Variants in PTBP3 observed in about 807,000 individuals in gnomAD.
PTBP3 encodes polypyrimidine tract binding protein 3, also known as polypyrimidine tract-binding protein 3.
PTBP3 carries 20 observed loss-of-function variants against 58.7 expected under a neutral mutation model. That is an observed-to-expected ratio of 0.34 (90% CI 0.24 to 0.50). The LOEUF (loss-of-function observed/expected upper bound fraction) is 0.50. Ranked by LOEUF, PTBP3 falls within the 20% of genes least tolerant of loss-of-function variation. PTBP3 has a pLI of 0.98. For missense variants in PTBP3, 509 were observed against 637.2 expected (o/e 0.80, Z 2.17); for synonymous variants, 185 against 219.8 (o/e 0.84, Z 1.40).
Position 112,220,091 on chromosome 9 carries a change from G to A in PTBP3, c.*3760C>T, listed in dbSNP as rs1309132052. The A allele has an allele frequency of 2.7e-5, 33 of 1,215,850 alleles. No homozygotes were observed. Among genetic ancestry groups the A allele is most frequent in the South Asian group, 1.9e-4 (13 of 68,160 alleles). The allele number at this position is 1,215,850 out of a possible 1,614,324, so 75.3% of individuals were successfully genotyped here. The stretch of plus-strand genomic sequence containing the variant: ...AGAAAAATGCTTTACGCATCGTCAC[G>A]CTGTCTCTTTTTGGTTTTAAAAATA... On this transcript the variant is annotated 3_prime_UTR_variant, in exon 14 of 14. Transcript: ENST00000374257.
chr9:112,313,927 T>C (rs1252723014), intron 1 of PTBP3, among the ~76,000 whole-genome samples: 1 of 149,676 alleles, frequency 6.7e-6, no homozygotes, highest in African/African-American at 2.4e-5. Context: ...ACGGAAAACA[T>C]TTGGGAAAAA....
At chr9:112,292,098 CA>C (rs1828459543) in intron 2 of PTBP3, among the ~76,000 whole-genome samples, 1 of 151,888 alleles carries the variant, frequency 6.6e-6, no homozygotes, top group African/African-American at 2.4e-5. Flanking sequence ...ATTAGTAAAA[CA>C]AAACAAAAAA....
chr9:112,332,957 G>C (rs1289844342), intron 1 of PTBP3: 3 of 1,445,602 alleles, frequency 2.1e-6, no homozygotes, highest in Non-Finnish European at 2.7e-6. Context: ...TGGGACCATG[G>C]CTTGCGACCA....
intron 12 of PTBP3, among the ~76,000 whole-genome samples, chr9:112,225,636 C>T (rs901585019): frequency 6.6e-6 from 1 of 152,108 alleles, no homozygotes; most frequent in African/African-American, 2.4e-5. Flanking sequence ...AATGAGGCAA[C>T]ATGTGTAAAG....
chr9:112,328,712 C>T (rs1830249847), intron 1 of PTBP3, among the ~76,000 whole-genome samples: 2 of 152,140 alleles, frequency 1.3e-5, no homozygotes, highest in Admixed American at 1.3e-4. Context: ...ATGGCTTGAG[C>T]TCAGGAGTTA....
the PTBP3 span, among the ~76,000 whole-genome samples, chr9:112,372,558 C>A: frequency 6.6e-6 from 1 of 152,112 alleles, no homozygotes; most frequent in African/African-American, 2.4e-5. Context: ...TAAGCAGTTA[C>A]TCTCTATTGC....
the PTBP3 span, among the ~76,000 whole-genome samples, chr9:112,351,472 C>A: frequency 6.6e-6 from 1 of 152,152 alleles, no homozygotes; most frequent in Non-Finnish European, 1.5e-5. Context: ...TGTCAATTTT[C>A]TTCACTCTAA....
Position 112,321,928 on chromosome 9 carries a change from G to C in PTBP3, c.-52+11542C>G, listed in dbSNP as rs558865216. On this transcript the variant is annotated intron_variant, in intron 1 of 13. Coordinates refer to ENST00000374257, the MANE Select transcript of PTBP3 (RefSeq NM_001163788.4). ...AGGCGGGCGGATCACAAGGCCAGGA[G>C]ATCAAGACCATCCTGGCCAACATGG... Among the ~76,000 whole-genome samples, 3 of 152,164 alleles carry C rather than the reference G, an allele frequency of 2.0e-5. No individual in the cohort carries two copies. In the South Asian group the frequency reaches 6.2e-4, roughly 32 times the overall value.
intron 1 of PTBP3, among the ~76,000 whole-genome samples, chr9:112,309,652 G>A (rs188925634): frequency 2.2e-4 from 34 of 152,192 alleles, no homozygotes; most frequent in Non-Finnish European, 3.8e-4. Context: ...GCTGGGCGTG[G>A]TGGTGGACGC....
At chr9:112,368,944 G>A in the PTBP3 span, among the ~76,000 whole-genome samples, 1 of 152,216 alleles carries the variant, frequency 6.6e-6, no homozygotes, top group Non-Finnish European at 1.5e-5. Flanking sequence ...GGCTAAAAGG[G>A]GCCAATGTAC....
At chr9:112,313,666 A>G (rs1249347477) in intron 1 of PTBP3, among the ~76,000 whole-genome samples, 1 of 152,230 alleles carries the variant, frequency 6.6e-6, no homozygotes, top group Non-Finnish European at 1.5e-5. Flanking sequence ...GGGCCTGTCC[A>G]TAAGATAACT....
In PTBP3 at chr9:112,223,005, G is replaced by C; in HGVS notation, c.*846C>G. ...TTCTGAAAACAATTATAAAAAAGTAGTTTATAAGTAGGATTATTTTTCTTT... is the reference window on the plus strand; with the variant it reads ...TTCTGAAAACAATTATAAAAAAGTACTTTATAAGTAGGATTATTTTTCTTT... On this transcript the variant is annotated 3_prime_UTR_variant, in exon 14 of 14. Coordinates refer to ENST00000374257, the MANE Select transcript of PTBP3 (RefSeq NM_001163788.4). 1 of 844,848 alleles carries C rather than the reference G, an allele frequency of 1.2e-6. No homozygotes were observed. Among genetic ancestry groups the C allele is most frequent in the South Asian group, 5.5e-5 (1 of 18,262 alleles). 52.3% of individuals were successfully genotyped at this position (844,848 alleles called of 1,614,324 possible). A position where few individuals can be genotyped will look rare whatever the true frequency, so the allele number is the denominator to read the frequency against.
intron 8 of PTBP3, among the ~76,000 whole-genome samples, chr9:112,233,421 G>C (rs757234927): frequency 2.0e-5 from 3 of 151,304 alleles, no homozygotes; most frequent in Non-Finnish European, 2.9e-5. Context: ...ATATCTAAAA[G>C]AAATATCCAA....
the PTBP3 span, among the ~76,000 whole-genome samples, chr9:112,360,040 AAAATG>A: frequency 9.2e-5 from 14 of 152,236 alleles, no homozygotes; most frequent in African/African-American, 3.4e-4. Context: ...TATAGACATT[AAAATG>A]CAATAATCAG....
At position 112,220,862 on chromosome 9, in the gene PTBP3, C is replaced by T. The variant is rs914141630; in HGVS notation, c.*2989G>A. On this transcript the variant is annotated 3_prime_UTR_variant, in exon 14 of 14. Coordinates refer to ENST00000374257, the MANE Select transcript of PTBP3 (RefSeq NM_001163788.4). Reference sequence around the variant, plus strand: ...GACACCTTGAAAAGTGATGACAATACTCCTTAAAAATAAAATAAACTTAAA... The same window carrying T: ...GACACCTTGAAAAGTGATGACAATATTCCTTAAAAATAAAATAAACTTAAA... 5 of 967,678 alleles carry T rather than the reference C, an allele frequency of 5.2e-6. No homozygotes were observed. The highest frequency in any genetic ancestry group is 3.5e-5 in the African/African-American group (2 of 56,770). 59.9% of individuals were successfully genotyped at this position (967,678 alleles called of 1,614,324 possible).
chr9:112,257,573 A>T (rs933612381), intron 5 of PTBP3, among the ~76,000 whole-genome samples: 5 of 152,210 alleles, frequency 3.3e-5, no homozygotes, highest in African/African-American at 1.2e-4. Flanking sequence ...GATAAAATTC[A>T]TCTTCAGAGT....
chr9:112,247,924 T>C (rs1835952224), intron 7 of PTBP3, among the ~76,000 whole-genome samples: 1 of 152,154 alleles, frequency 6.6e-6, no homozygotes, highest in African/African-American at 2.4e-5. Context: ...ATATAGGTAG[T>C]GTATATATTA....
chr9:112,325,776 T>TA (rs1830131441), intron 1 of PTBP3, among the ~76,000 whole-genome samples: 1 of 152,058 alleles, frequency 6.6e-6, no homozygotes, highest in Non-Finnish European at 1.5e-5. Flanking sequence ...GTAACCCCAG[T>TA]ACTTCGGGTG....
chr9:112,332,740 T>C (rs1366480862), intron 1 of PTBP3: 2 of 1,608,126 alleles, frequency 1.2e-6, no homozygotes, highest in Non-Finnish European at 1.7e-6. Context: ...TTTTGAGCAT[T>C]TGAAATGCCC....
Sources: allele counts gnomAD v4.1 joint callset (sites outside exome capture counted in the v4.1 genomes callset), GRCh38; gene constraint gnomAD v4.1.1; transcripts MANE v1.5; gene names NCBI Gene and HGNC (gene_info 2026-07-23, HGNC 2026-07-21).